Variants in IRGM observed in about 807,000 individuals in gnomAD.
IRGM encodes immunity related GTPase M.
For synonymous variants in IRGM, 98 were observed against 80.6 expected (o/e 1.22, Z -1.16); for missense variants, 288 against 219.9 (o/e 1.31, Z -1.96).
chr5:150,864,896 A>T (rs570553808), intron 1 of IRGM, among the ~76,000 whole-genome samples: 1 of 152,364 alleles, frequency 6.6e-6, no homozygotes, highest in South Asian at 2.1e-4. Flanking sequence ...TGGATGACTG[A>T]TTATTGCTCT....
chr5:150,861,668 G>A (rs1754137850), intron 1 of IRGM, among the ~76,000 whole-genome samples: 1 of 152,146 alleles, frequency 6.6e-6, no homozygotes, highest in Admixed American at 6.5e-5. Flanking sequence ...TTAAGTAATA[G>A]TCCATCTGAA....
intron 1 of IRGM, among the ~76,000 whole-genome samples, chr5:150,861,089 A>T (rs186661190): frequency 3.2e-4 from 49 of 152,254 alleles, no homozygotes; most frequent in African/African-American, 1.2e-3. Context: ...GTAGTTCTCT[A>T]TGTGGTGGGA....
chr5:150,865,485 T>C (rs1294957448), intron 1 of IRGM, among the ~76,000 whole-genome samples: 1 of 152,230 alleles, frequency 6.6e-6, no homozygotes, highest in African/African-American at 2.4e-5. Context: ...TTTTAAATAT[T>C]AGGTTACAGA....
chr5:150,902,295 C>G (rs1229366457), downstream of IRGM, among the ~76,000 whole-genome samples: 1 of 152,136 alleles, frequency 6.6e-6, no homozygotes, highest in African/African-American at 2.4e-5. Flanking sequence ...CATCAGGGAC[C>G]TTTGCCCTCC....
intron 3 of IRGM, among the ~76,000 whole-genome samples, chr5:150,888,233 A>G (rs1277611953): frequency 6.6e-6 from 1 of 152,094 alleles, no homozygotes; most frequent in Non-Finnish European, 1.5e-5. Flanking sequence ...AGGGCATTAC[A>G]TAATGGTAAA....
chr5:150,867,531 T>A (rs1009221909), intron 1 of IRGM, among the ~76,000 whole-genome samples: 2 of 152,202 alleles, frequency 1.3e-5, no homozygotes, highest in Non-Finnish European at 2.9e-5. Flanking sequence ...GTAGATCTAC[T>A]TTTAGTTCTT....
chr5:150,850,319 A>T (rs142859029), downstream of IRGM, among the ~76,000 whole-genome samples: 741 of 152,378 alleles, frequency 4.9e-3, 8 homozygotes, highest in African/African-American at 0.017. Context: ...ATTTCCTAAT[A>T]ATAAGAAATT....
At chr5:150,872,049 C>G (rs1198735564) in intron 1 of IRGM, among the ~76,000 whole-genome samples, 1 of 152,146 alleles carries the variant, frequency 6.6e-6, no homozygotes, top group Non-Finnish European at 1.5e-5. Context: ...GTAAAATTTG[C>G]TATTTGATTT....
chr5:150,848,269 T>C lies in IRGM; in HGVS notation c.146T>C (p.Phe49Ser). The change falls in exon 2 of 2, where the codon TTC (phenylalanine) becomes TCC (serine). Residue 49 changes from phenylalanine (F) to serine (S), a missense_variant. Phe to Ser is a radical substitution (Grantham distance 155). Coordinates refer to ENST00000522154, the MANE Select transcript of IRGM (RefSeq NM_001145805.2). Reference protein sequence around the residue: ...AGDSGNGMSTFISALRNTGHE... With the variant: ...AGDSGNGMSTSISALRNTGHE... Reference sequence around the variant, plus strand: ...GACTCTGGCAATGGGATGTCCACCTTCATCAGTGCCCTTCGAAACACAGGA... The same window carrying C: ...GACTCTGGCAATGGGATGTCCACCTCCATCAGTGCCCTTCGAAACACAGGA... 6.4e-7 allele frequency: 1 copy of C among 1,551,818 alleles called. No individual in the cohort carries two copies. The highest frequency in any genetic ancestry group is 1.2e-5 in the South Asian group (1 of 84,060).
chr5:150,850,510 C>T (rs1753959237), downstream of IRGM, among the ~76,000 whole-genome samples: 1 of 152,090 alleles, frequency 6.6e-6, no homozygotes, highest in African/African-American at 2.4e-5. Context: ...ATATTATGGT[C>T]ATTTCTAAGG....
chr5:150,881,833 A>G (rs1041241357), intron 3 of IRGM, among the ~76,000 whole-genome samples: 1 of 152,158 alleles, frequency 6.6e-6, no homozygotes, highest in African/African-American at 2.4e-5. Flanking sequence ...GATATTTTAT[A>G]TAAGCCTTAG....
rs1043976431 is a variant in IRGM at position 150,848,350 on chromosome 5, C to T, written c.227C>T (p.Ala76Val). Residue 76 changes from alanine to valine, a missense_variant, in exon 2 of 2, where the codon GCC becomes GTC. By Grantham distance (64) the Ala-to-Val change is moderately conservative (BLOSUM62 0). Transcript: ENST00000522154. Reference sequence around the variant, plus strand: ...CTGGTAAAAGCTACCCAAAGATGTGCCTCCTATTTCTCTTCCCACTTTTCA... The same window carrying T: ...CTGGTAAAAGCTACCCAAAGATGTGTCTCCTATTTCTCTTCCCACTTTTCA... ...TELVKATQRC[A>V]SYFSSHFSNV... is the part of the protein sequence containing the mutation. 6 of 1,551,714 alleles carry T rather than the reference C, an allele frequency of 3.9e-6. No individual in the cohort carries two copies. Among genetic ancestry groups the T allele is most frequent in the South Asian group, 3.6e-5 (3 of 84,064 alleles).
downstream of IRGM, among the ~76,000 whole-genome samples, chr5:150,849,990 A>G (rs1416105975): frequency 6.6e-6 from 1 of 152,136 alleles, no homozygotes; most frequent in Non-Finnish European, 1.5e-5. Context: ...AAGTCAAATA[A>G]AGCAATTGTA....
chr5:150,847,948 C>T lies in IRGM; in HGVS notation c.-176C>T, dbSNP rs770539712. 8.1e-5 allele frequency: 47 copies of T among 579,434 alleles called. No individual in the cohort carries two copies. Among genetic ancestry groups the T allele is most frequent in the African/African-American group, 2.1e-4 (11 of 53,460 alleles). The allele number at this position is 579,434 out of a possible 1,614,324, so 35.9% of individuals were successfully genotyped here. On this transcript the variant is annotated 5_prime_UTR_variant, in exon 2 of 2. Transcript: ENST00000522154. ...CTCCTGTATTAGCTGGGACTACAGG[C>T]GCACACCACCACGCGCAGCTAATTT... is the stretch of plus-strand genomic sequence containing the variant.
downstream of IRGM, among the ~76,000 whole-genome samples, chr5:150,849,603 CTCTT>C (rs1753943160): frequency 7.1e-6 from 1 of 140,774 alleles, no homozygotes; most frequent in Non-Finnish European, 1.5e-5. Flanking sequence ...TTCTTTTTCT[CTCTT>C]TTTTTTTTTT....
At chr5:150,896,184 G>A in intron 3 of IRGM, 1 of 1,613,544 alleles carries the variant, frequency 6.2e-7, no homozygotes, top group Non-Finnish European at 8.5e-7. Context: ...ACATTCATAG[G>A]GTTTTTCCCC....
At chr5:150,863,300 GA>G (rs1300428431) in intron 1 of IRGM, among the ~76,000 whole-genome samples, 2 of 152,190 alleles carry the variant, frequency 1.3e-5, no homozygotes, top group African/African-American at 2.4e-5. Flanking sequence ...TGCTTCTGAA[GA>G]AGAGTAAAAA....
chr5:150,899,189 C>T (rs1486900471), intron 3 of IRGM, among the ~76,000 whole-genome samples: 1 of 152,090 alleles, frequency 6.6e-6, no homozygotes, highest in Non-Finnish European at 1.5e-5. Flanking sequence ...GCCTCCAGAA[C>T]TATGAGACTA....
At position 150,847,745 on chromosome 5, in the gene IRGM, A is replaced by G. The variant is rs528476506; in HGVS notation, c.-379A>G. 19 of 202,794 alleles carry G rather than the reference A, an allele frequency of 9.4e-5. No homozygotes were observed. Among genetic ancestry groups the G allele is most frequent in the Admixed American group, 8.9e-4 (17 of 19,012 alleles). The allele number at this position is 202,794 out of a possible 1,614,324, so 12.6% of individuals were successfully genotyped here. A position where few individuals can be genotyped will look rare whatever the true frequency, so the allele number is the denominator to read the frequency against. ...GCCCACAGATACGACAGAGTGTCCC[A>G]AGTGCCCCTCACACTCTATTAGCTG... On this transcript the variant is annotated 5_prime_UTR_variant, in exon 2 of 2. Coordinates refer to ENST00000522154, the MANE Select transcript of IRGM (RefSeq NM_001145805.2).
Sources: allele counts gnomAD v4.1 joint callset (sites outside exome capture counted in the v4.1 genomes callset), GRCh38; gene constraint gnomAD v4.1.1; transcripts MANE v1.5; gene names NCBI Gene and HGNC (gene_info 2026-07-23, HGNC 2026-07-21).